AIM2: variants seen among roughly 807,000 people sequenced by gnomAD.
The protein encoded by AIM2 is absent in melanoma 2.
Under a neutral mutation model 27.7 loss-of-function variants are expected in AIM2, and 30 were observed. The observed-to-expected ratio is 1.08, with a 90% CI of 0.81 to 1.47. The LOEUF (loss-of-function observed/expected upper bound fraction) is 1.47. Ranked by LOEUF, AIM2 falls within the 40% of genes most tolerant of loss-of-function variation. The pLI, the probability that AIM2 is intolerant of heterozygous loss-of-function variation, is 0.00. For synonymous variants in AIM2, 141 were observed against 145.3 expected, an observed-to-expected ratio of 0.97 and a Z score of 0.21; for missense variants, 358 against 411.3, an observed-to-expected ratio of 0.87 and a Z score of 1.12.
chr1:159,071,080 C>A (rs532551240), intron 2 of AIM2, among the ~76,000 whole-genome samples: 23 of 152,298 alleles, frequency 1.5e-4, no homozygotes, highest in African/African-American at 5.5e-4. Flanking sequence ...TTTAATCTTG[C>A]AGGACTTTTG....
Position 159,086,264 on chromosome 1 carries a change from A to G in AIM2, c.-15-19935T>C, listed in dbSNP as rs16841665. Among the ~76,000 whole-genome samples the G allele has an allele frequency of 2.8e-3, 428 of 152,374 alleles. 4 individuals carry two copies. Among genetic ancestry groups the G allele is most frequent in the African/African-American group, 9.5e-3 (395 of 41,596 alleles). ...ACAAGGGTGAGGCAAAAATATTAATAAAAGCCAGAGAACAGATCCTAAAGC... is the reference window on the plus strand; with the variant it reads ...ACAAGGGTGAGGCAAAAATATTAATGAAAGCCAGAGAACAGATCCTAAAGC... On this transcript the variant is annotated intron_variant, in intron 1 of 2. Transcript: ENST00000368129.
chr1:159,108,631 A>G lies in AIM2; in HGVS notation c.-16+31800T>C, dbSNP rs183892336. ...GCTGTTTGTGGCGATATCATAATTT[A>G]ACTAGAAAACCCTAAAGACTCCTCC... On this transcript the variant is annotated intron_variant, in intron 1 of 2. Transcript: ENST00000368129. 8.7e-4 allele frequency among the ~76,000 whole-genome samples: 133 copies of G among 152,262 alleles called. 1 individual carries two copies. The highest frequency in any genetic ancestry group is 5.9e-5 in the Non-Finnish European group (4 of 67,976).
chr1:159,065,934 C>T lies in AIM2; in HGVS notation c.792G>A (p.Val264=). The T allele has an allele frequency of 6.2e-7, 1 of 1,611,344 alleles. No individual in the cohort carries two copies. The highest frequency in any genetic ancestry group is 8.5e-7 in the Non-Finnish European group (1 of 1,178,652). ...CCTTCTGGACTACAAACAAACCATT[C>T]ACAATTGTTCCAAGGGGCTGAGTTT... ...TLQTQPLGTI[V]NGLFVVQKVT... is the part of the protein sequence containing the mutation. Residue 264 remains valine (V), a synonymous_variant, in exon 4 of 6, where the codon GTG becomes GTA. Transcript: ENST00000368130.
chr1:159,125,864 T>A (rs1320652775), intron 1 of AIM2, among the ~76,000 whole-genome samples: 1 of 151,892 alleles, frequency 6.6e-6, no homozygotes, highest in Non-Finnish European at 1.5e-5. Context: ...TCAGGTAGAG[T>A]TACATCCAGA....
chr1:159,102,223 G>A (rs759014142), intron 1 of AIM2, among the ~76,000 whole-genome samples: 1 of 152,192 alleles, frequency 6.6e-6, no homozygotes, highest in African/African-American at 2.4e-5. Flanking sequence ...CCAAGCCTTG[G>A]TAGCTTCCAC....
At chr1:159,104,082 G>T (rs2102021085) in intron 1 of AIM2, among the ~76,000 whole-genome samples, 1 of 152,096 alleles carries the variant, frequency 6.6e-6, no homozygotes, top group East Asian at 1.9e-4. Flanking sequence ...TAGGGAGTAT[G>T]GTCTGTATAA....
upstream of AIM2, among the ~76,000 whole-genome samples, chr1:159,143,698 A>G (rs1353998617): frequency 2.0e-5 from 3 of 152,064 alleles, no homozygotes; most frequent in African/African-American, 7.2e-5. Flanking sequence ...CGTCCAAAGT[A>G]TCACTGCTTC....
chr1:159,073,231 A>C lies in AIM2; in HGVS notation c.262+7T>G. ...GGGACGGGGCAGGTGTGGAACTCCC[A>C]CATTACCTTTCTCCTTCTCCTCCTG... On this transcript the variant is annotated splice_region_variant and intron_variant, in intron 2 of 5. Transcript: ENST00000368130. The C allele has an allele frequency of 6.2e-7, 1 of 1,613,964 alleles. No homozygotes were observed. The highest frequency in any genetic ancestry group is 8.5e-7 in the Non-Finnish European group (1 of 1,179,842).
downstream of AIM2, among the ~76,000 whole-genome samples, chr1:159,060,815 G>T (rs1284807039): frequency 6.6e-6 from 1 of 152,074 alleles, no homozygotes; most frequent in Non-Finnish European, 1.5e-5. Flanking sequence ...CGAGTTTTTT[G>T]CACTTTTGCA....
At chr1:159,072,019 G>T (rs1037288514) in intron 2 of AIM2, among the ~76,000 whole-genome samples, 1 of 152,150 alleles carries the variant, frequency 6.6e-6, no homozygotes. Flanking sequence ...TCAAAGAGAA[G>T]AATTAATTCT....
At position 159,066,171 on chromosome 1, in the gene AIM2, C is replaced by G; in HGVS notation, c.555G>C (p.Lys185Asn). 1 of 1,614,146 alleles carries G rather than the reference C, an allele frequency of 6.2e-7. No homozygotes were observed. Among genetic ancestry groups the G allele is most frequent in the Non-Finnish European group, 8.5e-7 (1 of 1,180,014 alleles). ...EMFHATVATE[K>N]EFFFVKVFNT... ...TAAAAACTTTTACAAAGAAGAATTCCTTTTCTGTAGCCACTGTAGCATGAA... is the reference window on the plus strand; with the variant it reads ...TAAAAACTTTTACAAAGAAGAATTCGTTTTCTGTAGCCACTGTAGCATGAA... Residue 185 changes from lysine to asparagine, a missense_variant, in exon 4 of 6, where the codon AAG becomes AAC. Physicochemically the swap from Lys to Asn is moderately conservative, Grantham distance 94. Transcript: ENST00000368130.
chr1:159,112,883 T>G (rs1657605796), intron 1 of AIM2, among the ~76,000 whole-genome samples: 1 of 151,664 alleles, frequency 6.6e-6, no homozygotes. Context: ...AAGAATACTG[T>G]TTTCAGAATA....
chr1:159,064,454 G>A (rs1655988184), intron 4 of AIM2, among the ~76,000 whole-genome samples: 1 of 152,170 alleles, frequency 6.6e-6, no homozygotes, highest in African/African-American at 2.4e-5. Flanking sequence ...GGTTGGAAGA[G>A]AGCTATTTAT....
intron 1 of AIM2, among the ~76,000 whole-genome samples, chr1:159,092,744 C>T (rs1043250951): frequency 9.2e-5 from 14 of 152,164 alleles, no homozygotes; most frequent in African/African-American, 3.4e-4. Flanking sequence ...ATCCCAGGGG[C>T]TGGACACACT....
intron 1 of AIM2, among the ~76,000 whole-genome samples, chr1:159,095,016 G>A (rs1228773551): frequency 6.6e-6 from 1 of 151,568 alleles, no homozygotes; most frequent in East Asian, 1.9e-4. Context: ...AATCATTACT[G>A]AAAAAAAATC....
intron 1 of AIM2, among the ~76,000 whole-genome samples, chr1:159,125,281 C>T (rs936141001): frequency 6.6e-6 from 1 of 152,252 alleles, no homozygotes; most frequent in East Asian, 1.9e-4. Context: ...TAGAAAAGAC[C>T]TACCTAACCG....
In AIM2 at chr1:159,066,050, G is replaced by C; in HGVS notation, c.676C>G (p.Arg226Gly). Residue 226 changes from arginine to glycine, a missense_variant, in exon 4 of 6, where the codon CGT becomes GGT. Transcript: ENST00000368130. ...SGFLEVNSAS[R>G]VLDAESDQKV... Reference sequence around the variant, plus strand: ...TGGTCAGATTCAGCATCTAACACACGTGAGGCGCTATTTACCTCTAAGAAA... The same window carrying C: ...TGGTCAGATTCAGCATCTAACACACCTGAGGCGCTATTTACCTCTAAGAAA... The C allele has an allele frequency of 3.1e-6, 5 of 1,614,104 alleles. No homozygotes were observed. Among genetic ancestry groups the C allele is most frequent in the Non-Finnish European group, 4.2e-6 (5 of 1,180,026 alleles).
At chr1:159,109,897 TA>T (rs1307650112) in intron 1 of AIM2, among the ~76,000 whole-genome samples, 6 of 151,826 alleles carry the variant, frequency 4.0e-5, no homozygotes, top group Non-Finnish European at 8.8e-5. Flanking sequence ...AATCAAAAAA[TA>T]AAAAAATAGT....
chr1:159,118,872 A>G (rs953240318), intron 1 of AIM2, among the ~76,000 whole-genome samples: 2 of 152,044 alleles, frequency 1.3e-5, no homozygotes, highest in Non-Finnish European at 2.9e-5. Context: ...TTCTGCATAC[A>G]TAACGGGTGT....
Sources: allele counts gnomAD v4.1 joint callset (sites outside exome capture counted in the v4.1 genomes callset), GRCh38; gene constraint gnomAD v4.1.1; transcripts MANE v1.5; gene names NCBI Gene and HGNC (gene_info 2026-07-23, HGNC 2026-07-21).